The following SLC4A10 variants were observed in gnomAD, a reference collection of about 807,000 sequenced individuals.
SLC4A10 encodes the protein sodium-driven chloride bicarbonate exchanger.
SLC4A10 carries 42 observed loss-of-function variants against 137.7 expected under a neutral mutation model. That is an observed-to-expected ratio of 0.30 (90% CI 0.24 to 0.39). The LOEUF (loss-of-function observed/expected upper bound fraction) is 0.39. Among genes scored for constraint, SLC4A10 ranks in the 10% least tolerant of loss-of-function variants. SLC4A10 has a pLI of 1.00. For synonymous variants in SLC4A10, 474 were observed against 464.1 expected, an observed-to-expected ratio of 1.02 and a Z score of -0.27; for missense variants, 925 against 1,355.0, an observed-to-expected ratio of 0.68 and a Z score of 4.98.
intron 3 of SLC4A10, among the ~76,000 whole-genome samples, chr2:161,817,883 C>G (rs1015169295): frequency 1.5e-4 from 22 of 151,708 alleles, no homozygotes; most frequent in African/African-American, 5.3e-4. Context: ...GTTACTGTAG[C>G]CTTGTAGTAT....
At chr2:161,663,062 G>T (rs1010243601) in intron 1 of SLC4A10, among the ~76,000 whole-genome samples, 3 of 152,040 alleles carry the variant, frequency 2.0e-5, no homozygotes, top group Non-Finnish European at 4.4e-5. Flanking sequence ...GTGGTAAATT[G>T]CTCTTGTAAA....
chr2:161,770,496 A>G (rs2051453476), intron 1 of SLC4A10, among the ~76,000 whole-genome samples: 1 of 151,890 alleles, frequency 6.6e-6, no homozygotes, highest in African/African-American at 2.4e-5. Flanking sequence ...AATAATTGCT[A>G]CTAATTGCTT....
At chr2:161,930,586 T>C (rs1250116125) in intron 15 of SLC4A10, among the ~76,000 whole-genome samples, 5 of 151,044 alleles carry the variant, frequency 3.3e-5, no homozygotes, top group African/African-American at 1.2e-4. Flanking sequence ...AATGAATTCA[T>C]AGAAACTCAG....
chr2:161,629,429 G>A (rs892955697), intron 1 of SLC4A10, among the ~76,000 whole-genome samples: 9 of 151,172 alleles, frequency 6.0e-5, no homozygotes, highest in Admixed American at 6.0e-4. Flanking sequence ...GAGCGATATA[G>A]GTTCGCAGCA....
chr2:161,673,342 G>A (rs1335163169), intron 1 of SLC4A10, among the ~76,000 whole-genome samples: 1 of 152,164 alleles, frequency 6.6e-6, no homozygotes. Flanking sequence ...AGGGTGTACT[G>A]AGAAATATTT....
At chr2:161,647,773 A>C (rs889200823) in intron 1 of SLC4A10, among the ~76,000 whole-genome samples, 3 of 152,194 alleles carry the variant, frequency 2.0e-5, no homozygotes, top group African/African-American at 7.2e-5. Context: ...AAACATAGGT[A>C]ATTTCTAGTT....
intron 8 of SLC4A10, among the ~76,000 whole-genome samples, chr2:161,878,224 A>T (rs1262259686): frequency 6.6e-6 from 1 of 152,150 alleles, no homozygotes; most frequent in Non-Finnish European, 1.5e-5. Flanking sequence ...GCATAAGATC[A>T]ATTACTAGAG....
At chr2:161,844,956 T>G (rs547050430) in intron 4 of SLC4A10, among the ~76,000 whole-genome samples, 15 of 152,282 alleles carry the variant, frequency 9.9e-5, no homozygotes, top group African/African-American at 3.6e-4. Context: ...GTTTTATTTA[T>G]TTATTTTTTA....
intron 15 of SLC4A10, among the ~76,000 whole-genome samples, chr2:161,911,466 T>A (rs1239677569): frequency 6.6e-6 from 1 of 152,056 alleles, no homozygotes; most frequent in Non-Finnish European, 1.5e-5. Context: ...AGAGTAATCA[T>A]ACTGCATAAA....
At chr2:161,928,076 T>A (rs1418073502) in intron 15 of SLC4A10, among the ~76,000 whole-genome samples, 1 of 151,048 alleles carries the variant, frequency 6.6e-6, no homozygotes, top group East Asian at 1.9e-4. Flanking sequence ...TGCACACGTA[T>A]GTTTATTGTG....
intron 15 of SLC4A10, among the ~76,000 whole-genome samples, chr2:161,928,007 C>G (rs1271026676): frequency 1.3e-5 from 2 of 150,466 alleles, no homozygotes; most frequent in Non-Finnish European, 3.0e-5. Flanking sequence ...TTTGACCCAG[C>G]CATCCCATTA....
chr2:161,964,435 G>T, intron 22 of SLC4A10, 127 bp downstream of exon 22: 1 of 1,030,176 alleles, frequency 9.7e-7, no homozygotes, highest in Non-Finnish European at 1.4e-6. Flanking sequence ...TATAAGTTTT[G>T]GCACTGAAAG....
chr2:161,664,711 C>CTTT (rs11428885), intron 1 of SLC4A10, among the ~76,000 whole-genome samples: 11,501 of 148,330 alleles, frequency 0.078, 531 homozygotes, highest in East Asian at 0.14. Context: ...ATTTTTTCTC[C>CTTT]TTTTTTTTTT....
intron 15 of SLC4A10, among the ~76,000 whole-genome samples, chr2:161,918,316 C>T (rs1229869123): frequency 6.6e-6 from 1 of 151,932 alleles, no homozygotes; most frequent in Non-Finnish European, 1.5e-5. Flanking sequence ...CCACCACACC[C>T]AGCTGATTTT....
chr2:161,714,139 C>A (rs371042007), intron 1 of SLC4A10, among the ~76,000 whole-genome samples: 1 of 151,854 alleles, frequency 6.6e-6, no homozygotes, highest in Non-Finnish European at 1.5e-5. Context: ...ATGCTCTGTA[C>A]TTCCTGTATA....
At chr2:161,832,748 G>GTT (rs1553572668) in intron 3 of SLC4A10, among the ~76,000 whole-genome samples, 3 of 151,794 alleles carry the variant, frequency 2.0e-5, no homozygotes, top group South Asian at 2.1e-4. Context: ...GTTTTGTTTT[G>GTT]TTTTGTTTTT....
At chr2:161,866,436 A>G (rs2060754800) in intron 6 of SLC4A10, among the ~76,000 whole-genome samples, 1 of 151,900 alleles carries the variant, frequency 6.6e-6, no homozygotes, top group Admixed American at 6.6e-5. Flanking sequence ...CATTCTCTTC[A>G]GGGCTAATGT....
At chr2:161,700,405 TGAGAATAGA>T (rs1285280261) in intron 1 of SLC4A10, among the ~76,000 whole-genome samples, 2 of 152,092 alleles carry the variant, frequency 1.3e-5, no homozygotes, top group Non-Finnish European at 2.9e-5. Flanking sequence ...TTGAAAATAA[TGAGAATAGA>T]GAAATGGCCA....
chr2:161,918,975 G>A (rs1016285813), intron 15 of SLC4A10, among the ~76,000 whole-genome samples: 8 of 152,182 alleles, frequency 5.3e-5, no homozygotes, highest in Admixed American at 3.3e-4. Context: ...TGCTCTCAGG[G>A]CCTGGAAAGC....
Sources: gnomAD v4.1 joint callset for allele counts (sites outside exome capture counted in the v4.1 genomes callset) on GRCh38, gnomAD v4.1.1 for gene constraint, MANE v1.5 for transcripts, NCBI Gene and HGNC (gene_info 2026-07-23, HGNC 2026-07-21) for gene names.